SETD6: variants seen among roughly 807,000 people sequenced by gnomAD.
The protein encoded by SETD6 is N-lysine methyltransferase SETD6.
SETD6 carries 67 observed loss-of-function variants against 52.7 expected under a neutral mutation model. That is an observed-to-expected ratio of 1.27 (90% confidence interval 1.04 to 1.56). The LOEUF (loss-of-function observed/expected upper bound fraction) is 1.56, where lower values mean the gene tolerates loss of function less well. SETD6 is among the 40% of genes most tolerant of loss of function. SETD6 has a pLI of 0.00. For missense variants in SETD6, 712 were observed against 607.5 expected (o/e 1.17, Z -1.81); for synonymous variants, 307 against 250.2 (o/e 1.23, Z -2.14).
chr16:58,515,578 G>T lies in SETD6; in HGVS notation c.27+14G>T. ...AAGCGTCCACGGGTGAGTGGCGGGCGCGGGGTCCAGCCTTTTCCTCCGCGC... is the reference window on the plus strand; with the variant it reads ...AAGCGTCCACGGGTGAGTGGCGGGCTCGGGGTCCAGCCTTTTCCTCCGCGC... On this transcript the variant is annotated intron_variant, in intron 1 of 7. Coordinates refer to ENST00000219315, the MANE Select transcript of SETD6 (RefSeq NM_001160305.4). 1 of 1,559,566 alleles carries T rather than the reference G, an allele frequency of 6.4e-7. No homozygotes were observed.
chr16:58,515,484 C>A (rs571479884), upstream of SETD6: 100 of 1,552,904 alleles, frequency 6.4e-5, no homozygotes, highest in South Asian at 1.1e-3. Context: ...GGGCCAGAGA[C>A]GCCGGAAGTG....
intron 7 of SETD6, 75 bp from the exon 8 acceptor site, chr16:58,518,649 G>C (rs2039257834): frequency 6.3e-7 from 1 of 1,584,610 alleles, no homozygotes; most frequent in South Asian, 1.2e-5. Context: ...ATGCTAAGAT[G>C]AGTTTAGTCT....
rs745708481 is a variant in SETD6, at chr16:58,520,919, A to ACCT, written c.*1892_*1894dup. 6.3e-7 allele frequency: 1 copy of ACCT among 1,588,940 alleles called. No individual in the cohort carries two copies. Among genetic ancestry groups the ACCT allele is most frequent in the Admixed American group, 1.7e-5 (1 of 59,938 alleles). ...CAGTTTATGAACTCGGTGCAGTGAGACCTCTAGACTGACACGTACAACAGA... is the reference window on the plus strand; with the variant it reads ...CAGTTTATGAACTCGGTGCAGTGAGACCTCCTCTAGACTGACACGTACAACAGA... On this transcript the variant is annotated 3_prime_UTR_variant, in exon 8 of 8. Transcript: ENST00000219315.
rs535667237 is a variant in SETD6 at position 58,522,176 on chromosome 16, G to C, written c.*3147G>C. On this transcript the variant is annotated 3_prime_UTR_variant, in exon 8 of 8. Transcript: ENST00000219315. The stretch of plus-strand genomic sequence containing the variant: ...CTACTAAAAATACAAAAAATTAGCC[G>C]GACGTGGTGGCAGGTGCCTGTAATC... 7.1e-6 allele frequency among the ~76,000 whole-genome samples: 1 copy of C among 140,280 alleles called. No individual in the cohort carries two copies. Among genetic ancestry groups the C allele is most frequent in the African/African-American group, 2.8e-5 (1 of 36,216 alleles). 92.0% of individuals were successfully genotyped at this position (140,280 alleles called of 152,430 possible).
rs1331063489 is a variant in SETD6 at position 58,523,303 on chromosome 16, AG to A, written c.*4276del. ...TTCACTGAACACTGAAAGCATAAAGAGGAAAAAAAAAAGATGAAAGGGAGGA... is the reference window on the plus strand; with the variant it reads ...TTCACTGAACACTGAAAGCATAAAGAGAAAAAAAAAAGATGAAAGGGAGGA... On this transcript the variant is annotated 3_prime_UTR_variant, in exon 8 of 8. Coordinates refer to ENST00000219315, the MANE Select transcript of SETD6 (RefSeq NM_001160305.4). 1 of 1,352,148 alleles carries A rather than the reference AG, an allele frequency of 7.4e-7. No homozygotes were observed. Among genetic ancestry groups the A allele is most frequent in the African/African-American group, 1.9e-5 (1 of 51,408 alleles). 83.8% of individuals were successfully genotyped at this position (1,352,148 alleles called of 1,614,324 possible).
intron 4 of SETD6, 60 bp from the exon 5 acceptor site, chr16:58,516,748 G>A: frequency 6.2e-7 from 1 of 1,610,256 alleles, no homozygotes; most frequent in Non-Finnish European, 8.5e-7. Context: ...GAAAAACAGT[G>A]AAATCCACCC....
At chr16:58,517,704 G>C (rs963546724) in intron 5 of SETD6, 5 of 314,040 alleles carry the variant, frequency 1.6e-5, no homozygotes, top group African/African-American at 6.6e-5. Context: ...TTGAACTCCT[G>C]ATCTCAGGTG....
rs1288764795 is a variant in SETD6 at position 58,515,891 on chromosome 16, G to C, written c.128G>C (p.Arg43Pro). The change falls in exon 2 of 8, where the codon CGA (arginine) becomes CCA (proline). Residue 43 changes from arginine to proline, a missense_variant. Arg to Pro is a moderately radical substitution (Grantham distance 103, BLOSUM62 -2). Transcript: ENST00000219315. ...GAGCTGAGTCCCAAGGTGAGCGAGCGAGCCGGCGGGCGGAGGACCCGCGGC... is the reference window on the plus strand; with the variant it reads ...GAGCTGAGTCCCAAGGTGAGCGAGCCAGCCGGCGGGCGGAGGACCCGCGGC... ...GLELSPKVSE[R>P]AGGRRTRGGA... The C allele has an allele frequency of 1.3e-6, 2 of 1,508,762 alleles. No individual in the cohort carries two copies. The highest frequency in any genetic ancestry group is 2.1e-5 in the Admixed American group (1 of 46,664). 93.5% of individuals were successfully genotyped at this position (1,508,762 alleles called of 1,614,324 possible).
At chr16:58,518,617 G>A in intron 7 of SETD6, 74 bp downstream of exon 7, 1 of 1,473,174 alleles carries the variant, frequency 6.8e-7, no homozygotes. Flanking sequence ...AGATGAGAGA[G>A]GAAATGTGGG....
chr16:58,519,287 C>T lies in SETD6; in HGVS notation c.*258C>T. Reference sequence around the variant, plus strand: ...GTTTTGTTCTCAGTTTTAACCAAAGCCAGTGGACATACGGTAGTAATAAGT... The same window carrying T: ...GTTTTGTTCTCAGTTTTAACCAAAGTCAGTGGACATACGGTAGTAATAAGT... On this transcript the variant is annotated 3_prime_UTR_variant, in exon 8 of 8. Transcript: ENST00000219315. 2.3e-6 allele frequency: 1 copy of T among 430,252 alleles called. No homozygotes were observed. The highest frequency in any genetic ancestry group is 4.2e-6 in the Non-Finnish European group (1 of 240,574). 26.7% of individuals were successfully genotyped at this position (430,252 alleles called of 1,614,324 possible).
intron 5 of SETD6, chr16:58,517,308 G>A (rs923899368): frequency 3.1e-6 from 1 of 318,584 alleles, no homozygotes; most frequent in Non-Finnish European, 6.2e-6. Flanking sequence ...ACAGGCCAAA[G>A]GTCTAAGACG....
In SETD6 at chr16:58,515,931, C is replaced by T. The variant is rs2039114325; in HGVS notation, c.168C>T (p.Ala56=). The part of the protein sequence containing the change: ...GRRTRGGARA[A]LTSPPAQVAV... ...GGACCCGCGGCGGGGCGCGGGCTGC[C>T]CTGACCAGCCCTCCTGCTCAGGTGG... The change falls in exon 2 of 8, where the codon GCC becomes GCT. Residue 56 remains alanine (A), a synonymous_variant. Transcript: ENST00000219315. The T allele has an allele frequency of 2.6e-6, 4 of 1,516,686 alleles. No homozygotes were observed. The highest frequency in any genetic ancestry group is 1.8e-4 in the Middle Eastern group (1 of 5,454). The allele number at this position is 1,516,686 out of a possible 1,614,324, so 94.0% of individuals were successfully genotyped here.
rs1224649532 is a variant in SETD6 at position 58,516,068 on chromosome 16, C to T, written c.305C>T (p.Thr102Ile). ...CGGGCCGCGCTCCTGTCGCAGCACA[C>T]CTGCTCCATCGGCGGCCTGCTGGAG... ...VPRAALLSQHTCSIGGLLERE... is the reference protein window; with the variant it reads ...VPRAALLSQHICSIGGLLERE... Residue 102 changes from threonine to isoleucine, a missense_variant, in exon 2 of 8, where the codon ACC (threonine) becomes ATC (isoleucine). By Grantham distance (89) the Thr-to-Ile change is moderately conservative. Coordinates refer to ENST00000219315, the MANE Select transcript of SETD6 (RefSeq NM_001160305.4). 2.0e-6 allele frequency: 3 copies of T among 1,464,544 alleles called. No homozygotes were observed. Among genetic ancestry groups the T allele is most frequent in the South Asian group, 1.3e-5 (1 of 74,504 alleles). 90.7% of individuals were successfully genotyped at this position (1,464,544 alleles called of 1,614,324 possible).
rs2039388167 is a variant in SETD6 at position 58,521,844 on chromosome 16, C to CG, written c.*2817dup. Among the ~76,000 whole-genome samples the CG allele has an allele frequency of 1.3e-5, 2 of 151,788 alleles. No individual in the cohort carries two copies. Among genetic ancestry groups the CG allele is most frequent in the Admixed American group, 1.3e-4 (2 of 15,256 alleles). The stretch of plus-strand genomic sequence containing the variant: ...GCCACATGCCTGTAATCCCAGCAGT[C>CG]GGACGCTGAGGCAGGAGAATCGCTT... On this transcript the variant is annotated 3_prime_UTR_variant, in exon 8 of 8. Transcript: ENST00000219315.
Position 58,516,148 on chromosome 16 carries a change from G to GCGGGC in SETD6, c.335-52_335-48dup, listed in dbSNP as rs1555491247. 8.4e-6 allele frequency: 10 copies of GCGGGC among 1,183,618 alleles called. No individual in the cohort carries two copies. In the African/African-American group the frequency reaches 1.7e-4, roughly 20 times the overall value. The allele number at this position is 1,183,618 out of a possible 1,614,324, so 73.3% of individuals were successfully genotyped here. A position where few individuals can be genotyped will look rare whatever the true frequency, so the allele number is the denominator to read the frequency against. On this transcript the variant is annotated intron_variant, in intron 2 of 7. Transcript: ENST00000219315. ...CTGGGGCGGGGCGGGGCGGGGCGGG[G>GCGGGC]CGGGCCCGGCCCGCGAGGCCGCGCC...
chr16:58,516,902 CACA>C lies in SETD6; in HGVS notation c.769_771del (p.Asn257del), dbSNP rs1392875089. ...AGACATACTAAACCACTTAGCCAAT[CACA>C]ACGCCAATCTAGAATACTCTGCGGT... On this transcript the variant is annotated inframe_deletion, in exon 5 of 8. Coordinates refer to ENST00000219315, the MANE Select transcript of SETD6 (RefSeq NM_001160305.4). The C allele has an allele frequency of 5.6e-6, 9 of 1,614,214 alleles. No homozygotes were observed. The highest frequency in any genetic ancestry group is 2.2e-5 in the South Asian group (2 of 91,080).
chr16:58,518,238 G>A lies in SETD6; in HGVS notation c.973+7G>A. On this transcript the variant is annotated splice_region_variant and intron_variant, in intron 6 of 7. Coordinates refer to ENST00000219315, the MANE Select transcript of SETD6 (RefSeq NM_001160305.4). ...CGTGAGGCAGCATTACAGGGTGAGT[G>A]TATCATTAACTCAATATTTGACACT... The A allele has an allele frequency of 6.2e-7, 1 of 1,614,096 alleles. No homozygotes were observed.
chr16:58,517,088 A>C, intron 5 of SETD6, 160 bp downstream of exon 5: 9 of 1,091,254 alleles, frequency 8.2e-6, no homozygotes, highest in Non-Finnish European at 1.1e-5. Context: ...TGAATGCGAA[A>C]CATTTTAAAG....
Position 58,519,435 on chromosome 16 carries a change from T to G in SETD6, c.*406T>G. 5.3e-6 allele frequency: 1 copy of G among 187,402 alleles called. No individual in the cohort carries two copies. The allele number at this position is 187,402 out of a possible 1,614,324, so 11.6% of individuals were successfully genotyped here. A position where few individuals can be genotyped will look rare whatever the true frequency, so the allele number is the denominator to read the frequency against. On this transcript the variant is annotated 3_prime_UTR_variant, in exon 8 of 8. Coordinates refer to ENST00000219315, the MANE Select transcript of SETD6 (RefSeq NM_001160305.4). Reference sequence around the variant, plus strand: ...AAAAGACTCTGGATTTAATAAGCTGTGTAACTGGTACTCGATAGTTACCCA... The same window carrying G: ...AAAAGACTCTGGATTTAATAAGCTGGGTAACTGGTACTCGATAGTTACCCA...
Sources: allele counts gnomAD v4.1 joint callset (sites outside exome capture counted in the v4.1 genomes callset), GRCh38; gene constraint gnomAD v4.1.1; transcripts MANE v1.5; gene names NCBI Gene and HGNC (gene_info 2026-07-23, HGNC 2026-07-21).